The following CNTNAP5 variants were observed in gnomAD, a reference collection of about 807,000 sequenced individuals.
CNTNAP5 encodes the protein contactin-associated protein-like 5.
Under a neutral mutation model 150.2 loss-of-function variants are expected in CNTNAP5, and 72 were observed. The ratio of observed to expected loss-of-function variants is 0.48; its 90% CI spans 0.40 to 0.58. CNTNAP5 has a LOEUF of 0.58. CNTNAP5 is among the 20% of genes least tolerant of loss of function. CNTNAP5 has a pLI of 0.00. For synonymous variants in CNTNAP5, 672 were observed against 619.8 expected, an observed-to-expected ratio of 1.08 and a Z score of -1.25; for missense variants, 1,636 against 1,626.2, an observed-to-expected ratio of 1.01 and a Z score of -0.10.
chr2:124,321,929 C>T (rs1689109199), intron 3 of CNTNAP5, among the ~76,000 whole-genome samples: 2 of 152,122 alleles, frequency 1.3e-5, no homozygotes, highest in Non-Finnish European at 2.9e-5. Flanking sequence ...GTGGGTGGAT[C>T]ACCTGAGGTC....
chr2:124,252,895 G>A (rs931814654), intron 3 of CNTNAP5, among the ~76,000 whole-genome samples: 6 of 152,128 alleles, frequency 3.9e-5, no homozygotes, highest in Admixed American at 3.9e-4. Flanking sequence ...TTATTTAAAT[G>A]TAAATGTAAA....
At chr2:124,898,953 A>T (rs1484508474) in intron 21 of CNTNAP5, among the ~76,000 whole-genome samples, 1 of 151,500 alleles carries the variant, frequency 6.6e-6, no homozygotes, top group Admixed American at 6.6e-5. Flanking sequence ...TGGAGAAAAA[A>T]TTCAAGGGAC....
chr2:124,614,983 CA>C (rs70996082), intron 12 of CNTNAP5, among the ~76,000 whole-genome samples: 8,557 of 151,680 alleles, frequency 0.056, 832 homozygotes, highest in African/African-American at 0.2. Context: ...AGCATTATAT[CA>C]AAAAAAAAAA....
At chr2:124,089,686 T>A (rs1367013366) in intron 1 of CNTNAP5, among the ~76,000 whole-genome samples, 1 of 152,236 alleles carries the variant, frequency 6.6e-6, no homozygotes, top group Non-Finnish European at 1.5e-5. Context: ...TTGCTCCCAG[T>A]CCAGATCTTA....
intron 1 of CNTNAP5, among the ~76,000 whole-genome samples, chr2:124,101,645 T>A (rs529959979): frequency 1.3e-5 from 2 of 152,354 alleles, no homozygotes; most frequent in South Asian, 4.1e-4. Flanking sequence ...TTTCCCTGCT[T>A]ATAAAAAACA....
At position 124,772,841 on chromosome 2, in the gene CNTNAP5, C is replaced by T. The variant is rs377268832; in HGVS notation, c.2576C>T (p.Pro859Leu). 5 of 1,613,610 alleles carry T rather than the reference C, an allele frequency of 3.1e-6. No homozygotes were observed. Among genetic ancestry groups the T allele is most frequent in the African/African-American group, 2.7e-5 (2 of 74,898 alleles). Residue 859 changes from proline to leucine, a missense_variant, in exon 17 of 24, where the codon CCT (proline) becomes CTT (leucine). Pro to Leu is a moderately conservative substitution (Grantham distance 98). Coordinates refer to ENST00000682447, the MANE Select transcript of CNTNAP5 (RefSeq NM_001367498.1). ...ITFAIDVGNG[P>L]VELVVQSPSL... Reference sequence around the variant, plus strand: ...TTTGCCATCGATGTTGGGAATGGTCCTGTGGAGCTTGTAGTCCAGTCTCCT... The same window carrying T: ...TTTGCCATCGATGTTGGGAATGGTCTTGTGGAGCTTGTAGTCCAGTCTCCT...
intron 19 of CNTNAP5, among the ~76,000 whole-genome samples, chr2:124,851,374 G>T (rs1388533456): frequency 2.6e-5 from 4 of 152,098 alleles, no homozygotes; most frequent in Non-Finnish European, 5.9e-5. Context: ...AAAGAAAGTT[G>T]CAGAAGTTTC....
intron 4 of CNTNAP5, among the ~76,000 whole-genome samples, chr2:124,419,152 A>AACAAAAAAAAAAC (rs1692013206): frequency 5.8e-5 from 7 of 120,996 alleles, no homozygotes; most frequent in Non-Finnish European, 9.1e-5. Flanking sequence ...AAAAAAAAAA[A>AACAAAAAAAAAAC]AAAAAAAAAA....
At chr2:124,826,682 TG>T (rs1190656155) in intron 19 of CNTNAP5, among the ~76,000 whole-genome samples, 1 of 152,060 alleles carries the variant, frequency 6.6e-6, no homozygotes, top group Admixed American at 6.6e-5. Context: ...CTGGAAGCTA[TG>T]GGGTAGGGCC....
At chr2:124,754,736 C>T (rs771300272) in intron 14 of CNTNAP5, among the ~76,000 whole-genome samples, 2 of 151,802 alleles carry the variant, frequency 1.3e-5, no homozygotes, top group East Asian at 1.9e-4. Flanking sequence ...CACCCAGGCT[C>T]AAGTGCAGTG....
At chr2:124,860,460 C>CTTCT (rs1558803828) in intron 19 of CNTNAP5, among the ~76,000 whole-genome samples, 2 of 29,102 alleles carry the variant, frequency 6.9e-5, no homozygotes, top group African/African-American at 2.7e-4. Flanking sequence ...TCTTTCCTTC[C>CTTCT]TTCCTTCCTT....
At chr2:124,225,704 C>T (rs908058261) in intron 2 of CNTNAP5, among the ~76,000 whole-genome samples, 7 of 152,142 alleles carry the variant, frequency 4.6e-5, no homozygotes, top group Admixed American at 4.6e-4. Context: ...AGTCACCATG[C>T]TGTACAATTA....
chr2:124,546,311 C>T (rs1695509084), intron 10 of CNTNAP5, among the ~76,000 whole-genome samples: 1 of 151,968 alleles, frequency 6.6e-6, no homozygotes, highest in African/African-American at 2.4e-5. Context: ...TTCAAATTAG[C>T]TTGAGAAATG....
intron 19 of CNTNAP5, among the ~76,000 whole-genome samples, chr2:124,864,670 A>G (rs1362321756): frequency 2.6e-5 from 4 of 152,184 alleles, no homozygotes; most frequent in East Asian, 3.9e-4. Flanking sequence ...TTCATTTTGT[A>G]AGAAATGCTG....
intron 20 of CNTNAP5, among the ~76,000 whole-genome samples, chr2:124,869,145 C>T (rs949534120): frequency 8.5e-5 from 13 of 152,190 alleles, no homozygotes; most frequent in African/African-American, 2.6e-4. Context: ...TTCAGCTGCC[C>T]TCTCCTCCCC....
intron 13 of CNTNAP5, among the ~76,000 whole-genome samples, chr2:124,691,013 G>A (rs72845899): frequency 0.021 from 3,136 of 152,146 alleles, 106 homozygotes; most frequent in East Asian, 0.097. Flanking sequence ...CAATACAGAA[G>A]CCTTCAGCGT....
At chr2:124,190,808 A>C (rs1361435893) in intron 1 of CNTNAP5, among the ~76,000 whole-genome samples, 1 of 152,246 alleles carries the variant, frequency 6.6e-6, no homozygotes, top group East Asian at 1.9e-4. Context: ...TTGTGTATAC[A>C]TATACCTACG....
chr2:124,306,703 T>TTCTC (rs1158637807), intron 3 of CNTNAP5, among the ~76,000 whole-genome samples: 1 of 150,628 alleles, frequency 6.6e-6, no homozygotes, highest in South Asian at 2.1e-4. Context: ...CAAACTTGGT[T>TTCTC]TCTCTCTCTC....
intron 8 of CNTNAP5, among the ~76,000 whole-genome samples, chr2:124,512,070 T>A (rs2104873051): frequency 6.6e-6 from 1 of 152,048 alleles, no homozygotes; most frequent in Non-Finnish European, 1.5e-5. Context: ...GTACTGAAGC[T>A]ATTTCCTGCA....
Sources: gnomAD v4.1 joint callset for allele counts (sites outside exome capture counted in the v4.1 genomes callset) on GRCh38, gnomAD v4.1.1 for gene constraint, MANE v1.5 for transcripts, NCBI Gene and HGNC (gene_info 2026-07-23, HGNC 2026-07-21) for gene names.